FHIT: variants seen among roughly 807,000 people sequenced by gnomAD.
The protein encoded by FHIT is bis(5'-adenosyl)-triphosphatase.
Under a neutral mutation model 17.9 loss-of-function variants are expected in FHIT, and 19 were observed. The ratio of observed to expected loss-of-function variants is 1.06; its 90% CI spans 0.74 to 1.56. The LOEUF (loss-of-function observed/expected upper bound fraction) is 1.56. Ranked by LOEUF, FHIT falls within the 40% of genes most tolerant of loss-of-function variation. The pLI is 0.00. For missense variants in FHIT, 248 were observed against 189.2 expected, an observed-to-expected ratio of 1.31 and a Z score of -1.82; for synonymous variants, 81 against 69.7, an observed-to-expected ratio of 1.16 and a Z score of -0.81.
chr3:60,854,483 C>T (rs1186840547), intron 3 of FHIT, among the ~76,000 whole-genome samples: 2 of 151,376 alleles, frequency 1.3e-5, no homozygotes, highest in East Asian at 1.9e-4. Flanking sequence ...TTTCATGCAA[C>T]AAGATGTCTG....
At chr3:60,055,673 A>C (rs935467390) in intron 5 of FHIT, among the ~76,000 whole-genome samples, 1 of 152,190 alleles carries the variant, frequency 6.6e-6, no homozygotes, top group African/African-American at 2.4e-5. Flanking sequence ...GATTCCATTC[A>C]ATCCTGGAAA....
In FHIT at chr3:60,771,287, C is replaced by A. The variant is rs541810946; in HGVS notation, c.-18+50632G>T. 4.4e-4 allele frequency among the ~76,000 whole-genome samples: 66 copies of A among 151,302 alleles called. 1 individual carries two copies. The South Asian group carries it at 0.012, about 29-fold the overall frequency. The stretch of plus-strand genomic sequence containing the variant: ...CCTATGCTTTGAAAGTAATATTTAT[C>A]TCTCTCTCTCTCTATCCCACTGTTC... On this transcript the variant is annotated intron_variant, in intron 4 of 9. Transcript: ENST00000492590.
chr3:59,817,951 T>TG (rs1290443166), intron 8 of FHIT, among the ~76,000 whole-genome samples: 2 of 151,130 alleles, frequency 1.3e-5, no homozygotes, highest in East Asian at 1.9e-4. Context: ...GACGAGAGGC[T>TG]GGGGGGAAGA....
chr3:60,070,303 C>T (rs1702709139), intron 5 of FHIT, among the ~76,000 whole-genome samples: 2 of 152,176 alleles, frequency 1.3e-5, no homozygotes, highest in South Asian at 2.1e-4. Flanking sequence ...TCTACATCAC[C>T]ATCATTGAAG....
At chr3:60,006,609 T>C (rs532112526) in intron 7 of FHIT, among the ~76,000 whole-genome samples, 10 of 151,986 alleles carry the variant, frequency 6.6e-5, no homozygotes, top group African/African-American at 2.4e-4. Context: ...AATACGTCAG[T>C]TTTTCTCCAC....
chr3:60,863,097 G>A (rs1703993883), intron 3 of FHIT, among the ~76,000 whole-genome samples: 1 of 152,050 alleles, frequency 6.6e-6, no homozygotes, highest in African/African-American at 2.4e-5. Flanking sequence ...TGCTGCAGAG[G>A]GAAAGTCAGA....
chr3:60,900,648 C>A (rs1435795322), intron 3 of FHIT, among the ~76,000 whole-genome samples: 1 of 151,884 alleles, frequency 6.6e-6, no homozygotes, highest in Non-Finnish European at 1.5e-5. Context: ...ACCTTAAAGT[C>A]ATTGAAGAAA....
At chr3:61,175,945 G>T (rs1198396588) in intron 2 of FHIT, among the ~76,000 whole-genome samples, 1 of 152,200 alleles carries the variant, frequency 6.6e-6, no homozygotes, top group Admixed American at 6.5e-5. Context: ...AAACTAGTGG[G>T]CTTTTGACAT....
intron 5 of FHIT, among the ~76,000 whole-genome samples, chr3:60,203,277 A>G (rs1553711312): frequency 5.3e-5 from 8 of 152,182 alleles, no homozygotes; most frequent in Non-Finnish European, 1.0e-4. Flanking sequence ...AGAAACCTAT[A>G]CCTTCAAAAG....
At chr3:60,499,685 T>G (rs1163407220) in intron 5 of FHIT, among the ~76,000 whole-genome samples, 1 of 152,188 alleles carries the variant, frequency 6.6e-6, no homozygotes, top group Non-Finnish European at 1.5e-5. Flanking sequence ...GGCCTCTCTG[T>G]GTTTTTTTAA....
At position 61,095,231 on chromosome 3, in the gene FHIT, G is replaced by T. The variant is rs573580971; in HGVS notation, c.-163-53132C>A. ...CCTTGTATAATAATATCTATACAAT[G>T]TTGAAAAGTGGACAGAAGTAGCTGT... On this transcript the variant is annotated intron_variant, in intron 2 of 9. Transcript: ENST00000492590. Among the ~76,000 whole-genome samples, 3 of 152,286 alleles carry T rather than the reference G, an allele frequency of 2.0e-5. No homozygotes were observed. In the South Asian group the frequency reaches 6.2e-4, roughly 32 times the overall value.
intron 2 of FHIT, among the ~76,000 whole-genome samples, chr3:61,118,124 T>A (rs1576046340): frequency 6.6e-6 from 1 of 152,340 alleles, no homozygotes; most frequent in East Asian, 1.9e-4. Context: ...TGTTGTAGTA[T>A]AATTTGGTTT....
At position 60,749,073 on chromosome 3, in the gene FHIT, AG is replaced by A. The variant is rs782045737; in HGVS notation, c.-18+72845del. 3.3e-5 allele frequency among the ~76,000 whole-genome samples: 5 copies of A among 152,210 alleles called. No individual in the cohort carries two copies. In the South Asian group the frequency reaches 1.0e-3, roughly 32 times the overall value. On this transcript the variant is annotated intron_variant, in intron 4 of 9. Coordinates refer to ENST00000492590, the MANE Select transcript of FHIT (RefSeq NM_002012.4). ...AAAGACCTCTTTGGAAAGAATAAGC[AG>A]GTTTCTACAGGAAAAACAATGAGAG...
chr3:59,929,354 G>GA (rs1462573464), intron 7 of FHIT, among the ~76,000 whole-genome samples: 1 of 97,976 alleles, frequency 1.0e-5, no homozygotes, highest in African/African-American at 3.7e-5. Flanking sequence ...TTCACGTATT[G>GA]TTTTTTTGGT....
At chr3:61,209,064 C>T (rs1441000116) in intron 1 of FHIT, among the ~76,000 whole-genome samples, 1 of 151,984 alleles carries the variant, frequency 6.6e-6, no homozygotes, top group African/African-American at 2.4e-5. Context: ...TTTATTTCTC[C>T]TTCACTTATG....
chr3:60,681,002 T>C (rs1200757574), intron 4 of FHIT, among the ~76,000 whole-genome samples: 3 of 152,216 alleles, frequency 2.0e-5, no homozygotes, highest in Non-Finnish European at 4.4e-5. Context: ...TATAATTTTT[T>C]TAAGTACAAG....
intron 5 of FHIT, among the ~76,000 whole-genome samples, chr3:60,127,982 T>C (rs1705635953): frequency 1.3e-5 from 2 of 152,120 alleles, no homozygotes; most frequent in Admixed American, 6.5e-5. Context: ...AGCAAAACCT[T>C]TGACTTTAAT....
rs183424968 is a variant in FHIT, at chr3:60,696,664, C to T, written c.-18+125255G>A. Among the ~76,000 whole-genome samples the T allele has an allele frequency of 6.6e-5, 10 of 152,102 alleles. No homozygotes were observed. The East Asian group carries it at 1.2e-3, about 18-fold the overall frequency. ...GTCTGTGGATCAGAGGGCTGGGCTC[C>T]GGAAGACAGTTTTTAAATGTCACTA... On this transcript the variant is annotated intron_variant, in intron 4 of 9. Transcript: ENST00000492590.
intron 8 of FHIT, among the ~76,000 whole-genome samples, chr3:59,908,187 C>G (rs1704675023): frequency 6.6e-6 from 1 of 152,232 alleles, no homozygotes; most frequent in African/African-American, 2.4e-5. Context: ...CACTGCAAGC[C>G]ATCCCTTTGA....
Sources: allele counts gnomAD v4.1 joint callset (sites outside exome capture counted in the v4.1 genomes callset), GRCh38; gene constraint gnomAD v4.1.1; transcripts MANE v1.5; gene names NCBI Gene and HGNC (gene_info 2026-07-23, HGNC 2026-07-21).